PRKCQ: variants seen among roughly 807,000 people sequenced by gnomAD.
PRKCQ encodes protein kinase C theta type.
In PRKCQ, 41 loss-of-function variants were observed where a neutral mutation model predicts 91.2. The ratio of observed to expected loss-of-function variants is 0.45; its 90% CI spans 0.35 to 0.58. The LOEUF is 0.58. PRKCQ is among the 20% of genes least tolerant of loss of function. The probability of loss-of-function intolerance (pLI) is 0.00; values close to 1 mark genes in which losing one functional copy is unlikely to be tolerated. For missense variants in PRKCQ, 673 were observed against 896.5 expected (o/e 0.75, Z 3.18); for synonymous variants, 307 against 316.9 (o/e 0.97, Z 0.33).
intron 16 of PRKCQ, 137 bp from the exon 17 acceptor site, chr10:6,431,075 A>C: frequency 8.7e-7 from 1 of 1,147,164 alleles, no homozygotes; most frequent in South Asian, 1.6e-5. Flanking sequence ...GGACTGACTA[A>C]AGTCAACCTG....
intron 8 of PRKCQ, among the ~76,000 whole-genome samples, chr10:6,490,961 T>C (rs1441956362): frequency 6.6e-6 from 1 of 152,156 alleles, no homozygotes; most frequent in Non-Finnish European, 1.5e-5. Flanking sequence ...GTTATCGCCT[T>C]AGCAACTTGG....
chr10:6,534,791 T>TAG (rs1263705444), intron 1 of PRKCQ, among the ~76,000 whole-genome samples: 3 of 117,858 alleles, frequency 2.5e-5, no homozygotes, highest in Non-Finnish European at 4.0e-5. Context: ...TATATATATA[T>TAG]AGATATATAT....
chr10:6,502,643 G>A (rs1011740816), intron 4 of PRKCQ, among the ~76,000 whole-genome samples: 5 of 152,204 alleles, frequency 3.3e-5, no homozygotes, highest in African/African-American at 1.2e-4. Context: ...GACCACCATA[G>A]GAGAATGGAT....
chr10:6,425,288 G>A (rs368307352), downstream of PRKCQ, among the ~76,000 whole-genome samples: 5 of 150,218 alleles, frequency 3.3e-5, no homozygotes, highest in South Asian at 6.3e-4. Flanking sequence ...GCAGTAGCGC[G>A]ATCTCAGCTC....
At position 6,427,915 on chromosome 10, in the gene PRKCQ, AACCTTTCC is replaced by A; in HGVS notation, c.*284_*291del. The A allele has an allele frequency of 2.8e-6, 1 of 360,588 alleles. No individual in the cohort carries two copies. 22.3% of individuals were successfully genotyped at this position (360,588 alleles called of 1,614,324 possible). A position where few individuals can be genotyped will look rare whatever the true frequency, so the allele number is the denominator to read the frequency against. ...AATTTATTGCAGTATCAAGTCTTGA[AACCTTTCC>A]AAGTGCGGAGACCCATCTTTCAAGT... On this transcript the variant is annotated 3_prime_UTR_variant, in exon 18 of 18. Transcript: ENST00000263125.
chr10:6,394,326 G>A, the PRKCQ span, among the ~76,000 whole-genome samples: 1 of 152,206 alleles, frequency 6.6e-6, no homozygotes, highest in African/African-American at 2.4e-5. Context: ...CAGTCTGCTT[G>A]TGCATTCACA....
chr10:6,471,902 TG>T (rs1221342530), intron 12 of PRKCQ, among the ~76,000 whole-genome samples: 1 of 152,198 alleles, frequency 6.6e-6, no homozygotes, highest in East Asian at 1.9e-4. Flanking sequence ...ACAATACTTT[TG>T]GGACTTTGTG....
At chr10:6,417,517 G>A in the PRKCQ span, among the ~76,000 whole-genome samples, 7 of 152,086 alleles carry the variant, frequency 4.6e-5, no homozygotes, top group Admixed American at 3.3e-4. Flanking sequence ...TCGAATTGAC[G>A]TAACTGTTCT....
chr10:6,398,757 T>TC, the PRKCQ span, among the ~76,000 whole-genome samples: 1 of 151,982 alleles, frequency 6.6e-6, no homozygotes, highest in South Asian at 2.1e-4. Flanking sequence ...TCTTTTTTTT[T>TC]CTCTTTTCTT....
At chr10:6,451,543 T>C (rs1280178715) in intron 15 of PRKCQ, among the ~76,000 whole-genome samples, 2 of 151,808 alleles carry the variant, frequency 1.3e-5, no homozygotes, top group Non-Finnish European at 2.9e-5. Flanking sequence ...TTCCACTAAA[T>C]AGAAAAAAAG....
rs998502851 is a variant in PRKCQ at position 6,431,535 on chromosome 10, TAC to T, written c.1837-599_1837-598del. Among the ~76,000 whole-genome samples, 3 of 152,114 alleles carry T rather than the reference TAC, an allele frequency of 2.0e-5. No individual in the cohort carries two copies. The East Asian group carries it at 5.8e-4, about 29-fold the overall frequency. The stretch of plus-strand genomic sequence containing the variant: ...GCACACGGACAGGCATACACACGCA[TAC>T]ACACACGTACAGGAACACATGCACA... On this transcript the variant is annotated intron_variant, in intron 16 of 17. Transcript: ENST00000263125.
intron 1 of PRKCQ, among the ~76,000 whole-genome samples, chr10:6,520,835 T>C (rs549543699): frequency 5.3e-5 from 8 of 152,332 alleles, no homozygotes; most frequent in African/African-American, 1.4e-4. Context: ...TGGGGACTTA[T>C]AGAGCCCCAC....
intron 8 of PRKCQ, among the ~76,000 whole-genome samples, chr10:6,486,426 C>A (rs924122683): frequency 3.3e-5 from 5 of 152,122 alleles, no homozygotes; most frequent in Non-Finnish European, 7.3e-5. Context: ...AGAAGATGCC[C>A]ACCTGCGTGC....
chr10:6,406,468 C>G, the PRKCQ span, among the ~76,000 whole-genome samples: 4 of 152,066 alleles, frequency 2.6e-5, no homozygotes, highest in South Asian at 4.2e-4. Flanking sequence ...GCAGATTATA[C>G]CAATGCAGAA....
intron 7 of PRKCQ, among the ~76,000 whole-genome samples, chr10:6,496,739 G>A (rs1297326157): frequency 6.6e-6 from 1 of 151,658 alleles, no homozygotes; most frequent in Non-Finnish European, 1.5e-5. Flanking sequence ...CGGTGGCATG[G>A]TCCTGGTTCA....
intron 1 of PRKCQ, among the ~76,000 whole-genome samples, chr10:6,530,286 G>T (rs1839345234): frequency 6.6e-6 from 1 of 152,148 alleles, no homozygotes; most frequent in African/African-American, 2.4e-5. Flanking sequence ...GCAAGAAATG[G>T]CAAAGTGAGC....
chr10:6,473,226 T>C (rs1353601151), intron 12 of PRKCQ, among the ~76,000 whole-genome samples: 1 of 152,218 alleles, frequency 6.6e-6, no homozygotes, highest in Admixed American at 6.5e-5. Flanking sequence ...CTGCTAAAAA[T>C]GCCTCTGTCT....
At chr10:6,511,920 A>G (rs1019417064) in intron 2 of PRKCQ, among the ~76,000 whole-genome samples, 11 of 152,210 alleles carry the variant, frequency 7.2e-5, no homozygotes, top group African/African-American at 2.4e-4. Flanking sequence ...TTATTTTCCT[A>G]TTCAACAGTT....
intron 12 of PRKCQ, among the ~76,000 whole-genome samples, chr10:6,474,170 A>AT (rs1195736270): frequency 6.6e-6 from 1 of 152,248 alleles, no homozygotes; most frequent in Non-Finnish European, 1.5e-5. Flanking sequence ...AAGAATGTTC[A>AT]ACTGGTGCAT....
Sources: allele counts gnomAD v4.1 joint callset (sites outside exome capture counted in the v4.1 genomes callset), GRCh38; gene constraint gnomAD v4.1.1; transcripts MANE v1.5; gene names NCBI Gene and HGNC (gene_info 2026-07-23, HGNC 2026-07-21).